NT5C3B: variants seen among roughly 807,000 people sequenced by gnomAD.
The protein encoded by NT5C3B is 7-methylguanosine phosphate-specific 5'-nucleotidase.
In NT5C3B, 28 loss-of-function variants were observed where a neutral mutation model predicts 32.5. That is an observed-to-expected ratio of 0.86 (90% CI 0.64 to 1.18). The LOEUF (loss-of-function observed/expected upper bound fraction) is 1.18. Ranked by LOEUF, NT5C3B falls within the 50% of genes most tolerant of loss-of-function variation. The pLI is 0.00. For synonymous variants in NT5C3B, 138 were observed against 118.0 expected (o/e 1.17, Z -1.10); for missense variants, 317 against 322.0 (o/e 0.98, Z 0.12).
At chr17:41,835,805 G>A (rs1406589779) in intron 2 of NT5C3B, 54 bp downstream of exon 2, 2 of 1,507,418 alleles carry the variant, frequency 1.3e-6, no homozygotes, top group Non-Finnish European at 1.8e-6. Context: ...CAATGGGCAG[G>A]AAGCCTCTCC....
At chr17:41,830,694 C>A in intron 6 of NT5C3B, 107 bp downstream of exon 6, 1 of 775,634 alleles carries the variant, frequency 1.3e-6, no homozygotes, top group Non-Finnish European at 2.3e-6. Flanking sequence ...ATGTCCCTTC[C>A]GGTCCTTTAA....
intron 6 of NT5C3B, among the ~76,000 whole-genome samples, chr17:41,829,996 G>A (rs1555618777): frequency 6.6e-6 from 1 of 152,140 alleles, no homozygotes; most frequent in Non-Finnish European, 1.5e-5. Context: ...TCAGGAGCTA[G>A]CCAATCTCCC....
intron 4 of NT5C3B, among the ~76,000 whole-genome samples, chr17:41,833,034 T>C (rs1464392552): frequency 2.6e-5 from 4 of 152,184 alleles, no homozygotes; most frequent in African/African-American, 9.7e-5. Context: ...TTTGGTGAAG[T>C]CCAGGGAGCA....
chr17:41,836,047 G>C, intron 1 of NT5C3B, 90 bp from the exon 2 acceptor site: 1 of 1,413,544 alleles, frequency 7.1e-7, no homozygotes, highest in South Asian at 1.6e-5. Context: ...GTGTGAGGCG[G>C]GGCCGGGGTG....
At chr17:41,832,366 A>G in intron 5 of NT5C3B, 26 bp downstream of exon 5, 2 of 1,605,282 alleles carry the variant, frequency 1.2e-6, no homozygotes, top group Non-Finnish European at 1.7e-6. Context: ...AGGGCCCAGA[A>G]GCTTTTCTCC....
intron 8 of NT5C3B, among the ~76,000 whole-genome samples, 160 bp from the exon 9 acceptor site, chr17:41,825,817 T>C (rs2047951596): frequency 6.6e-6 from 1 of 152,200 alleles, no homozygotes; most frequent in Admixed American, 6.5e-5. Flanking sequence ...GCCTACCCTT[T>C]GGAGACAGAC....
At position 41,835,913 on chromosome 17, in the gene NT5C3B, C is replaced by T; in HGVS notation, c.57G>A (p.Gly19=). 3 of 1,606,796 alleles carry T rather than the reference C, an allele frequency of 1.9e-6. No homozygotes were observed. The highest frequency in any genetic ancestry group is 1.7e-6 in the Non-Finnish European group (2 of 1,177,530). Residue 19 remains glycine, a synonymous_variant, in exon 2 of 9, where the codon GGG becomes GGA. Coordinates refer to ENST00000435506, the MANE Select transcript of NT5C3B (RefSeq NM_052935.5). ...MKATVLMRQP[G]RVQEIVGALR... Reference sequence around the variant, plus strand: ...GGGCGCCCACGATCTCCTGCACCCGCCCAGGCTGCCGCATCAGGACCGTGG... The same window carrying T: ...GGGCGCCCACGATCTCCTGCACCCGTCCAGGCTGCCGCATCAGGACCGTGG...
At chr17:41,826,920 A>G (rs1210031055) in intron 8 of NT5C3B, among the ~76,000 whole-genome samples, 1 of 150,722 alleles carries the variant, frequency 6.6e-6, no homozygotes, top group Non-Finnish European at 1.5e-5. Flanking sequence ...GAATCACTTG[A>G]ACCTGGGAGG....
At chr17:41,833,236 T>G (rs1283485469) in intron 4 of NT5C3B, among the ~76,000 whole-genome samples, 3 of 152,208 alleles carry the variant, frequency 2.0e-5, no homozygotes, top group Admixed American at 6.5e-5. Context: ...TGGTCCACTT[T>G]CTCAGGTGAT....
chr17:41,835,698 T>C, intron 2 of NT5C3B, 161 bp downstream of exon 2: 1 of 779,942 alleles, frequency 1.3e-6, no homozygotes, highest in South Asian at 1.5e-5. Flanking sequence ...ATTTGGGTTT[T>C]AGGACAGGCG....
At chr17:41,836,026 C>A (rs1555619948) in intron 1 of NT5C3B, 69 bp from the exon 2 acceptor site, 19 of 1,449,614 alleles carry the variant, frequency 1.3e-5, no homozygotes, top group Non-Finnish European at 1.7e-5. Context: ...CCGGGGCTCG[C>A]TCGGGCGCGC....
rs924288587 is a variant in NT5C3B, at chr17:41,826,048, G to A, written c.769-391C>T. Among the ~76,000 whole-genome samples, 4 of 151,834 alleles carry A rather than the reference G, an allele frequency of 2.6e-5. No homozygotes were observed. The South Asian group carries it at 6.2e-4, about 24-fold the overall frequency. Reference sequence around the variant, plus strand: ...TGGGTGCCTGTAGTCCCAGCTACTCGGGAGACTGAGGCAGAAAGGATCACT... The same window carrying A: ...TGGGTGCCTGTAGTCCCAGCTACTCAGGAGACTGAGGCAGAAAGGATCACT... On this transcript the variant is annotated intron_variant, in intron 8 of 8. Transcript: ENST00000435506.
intron 1 of NT5C3B, 35 bp downstream of exon 1, chr17:41,836,147 G>A (rs950758796): frequency 2.3e-5 from 30 of 1,312,138 alleles, no homozygotes; most frequent in Non-Finnish European, 3.9e-6. Flanking sequence ...CGGAGTCCGG[G>A]CCCGCCCCAC....
At chr17:41,835,779 G>T in intron 2 of NT5C3B, 80 bp downstream of exon 2, 1 of 1,349,736 alleles carries the variant, frequency 7.4e-7, no homozygotes, top group Non-Finnish European at 1.0e-6. Context: ...CCGCGGCAGA[G>T]CAAAGCGGGA....
In NT5C3B at chr17:41,828,844, T is replaced by C. The variant is rs1256467492; in HGVS notation, c.513A>G (p.Lys171=). 1.2e-6 allele frequency: 2 copies of C among 1,613,910 alleles called. No individual in the cohort carries two copies. The highest frequency in any genetic ancestry group is 1.3e-5 in the African/African-American group (1 of 74,902). The change falls in exon 7 of 9, where the codon AAA becomes AAG. Residue 171 remains lysine (K), a synonymous_variant. Coordinates refer to ENST00000435506, the MANE Select transcript of NT5C3B (RefSeq NM_052935.5). ...CGATGTGGATGTTGGGGTGGAACACTTTCATCTGTCGGATAATTTCTTCCA... is the reference window on the plus strand; with the variant it reads ...CGATGTGGATGTTGGGGTGGAACACCTTCATCTGTCGGATAATTTCTTCCA... ...DILEEIIRQM[K]VFHPNIHIVS...
intron 4 of NT5C3B, among the ~76,000 whole-genome samples, chr17:41,834,331 G>A (rs941076934): frequency 2.0e-5 from 3 of 151,226 alleles, no homozygotes; most frequent in Admixed American, 6.6e-5. Flanking sequence ...AGGTTGCAGT[G>A]AGCTGAGATT....
At chr17:41,826,669 C>T (rs1280776502) in intron 8 of NT5C3B, among the ~76,000 whole-genome samples, 1 of 151,800 alleles carries the variant, frequency 6.6e-6, no homozygotes, top group Non-Finnish European at 1.5e-5. Flanking sequence ...AGTGAGATTC[C>T]ATCTCAAAAT....
At chr17:41,834,939 C>T in intron 4 of NT5C3B, 131 bp downstream of exon 4, 1 of 870,488 alleles carries the variant, frequency 1.1e-6, no homozygotes, top group Non-Finnish European at 1.9e-6. Flanking sequence ...ACTAGACCCT[C>T]CTTAGCAAAA....
intron 6 of NT5C3B, among the ~76,000 whole-genome samples, chr17:41,830,365 G>C (rs569193560): frequency 1.3e-5 from 2 of 152,186 alleles, no homozygotes; most frequent in Non-Finnish European, 2.9e-5. Flanking sequence ...AAAATTAGCC[G>C]GGTGTGGTGG....
Sources: allele counts gnomAD v4.1 joint callset (sites outside exome capture counted in the v4.1 genomes callset), GRCh38; gene constraint gnomAD v4.1.1; transcripts MANE v1.5; gene names NCBI Gene and HGNC (gene_info 2026-07-23, HGNC 2026-07-21).